Variants in CLCN4 observed in about 807,000 individuals in gnomAD.
CLCN4 encodes the protein Cl-/H+ antiporter 4.
CLCN4 carries 1 observed loss-of-function variant against 41.7 expected under a neutral mutation model. The ratio of observed to expected loss-of-function variants is 0.02; its 90% CI spans 0.01 to 0.11. The LOEUF is 0.11. CLCN4 is among the 10% of genes least tolerant of loss of function. CLCN4 has a pLI of 1.00. For missense variants in CLCN4, 287 were observed against 661.0 expected (o/e 0.43, Z 6.20); for synonymous variants, 277 against 285.8 (o/e 0.97, Z 0.31).
chrX:10,178,952 C>A (rs954243041), intron 2 of CLCN4, among the ~76,000 whole-genome samples: 1 of 112,366 alleles, frequency 8.9e-6, no homozygotes, highest in Non-Finnish European at 1.9e-5. Flanking sequence ...TTCTTGGTCC[C>A]CACTTCTAGA....
intron 11 of CLCN4, among the ~76,000 whole-genome samples, chrX:10,216,918 T>TATATATATATATATATATAC (rs773265490): frequency 3.1e-4 from 12 of 38,927 alleles, no homozygotes; most frequent in African/African-American, 7.8e-4. Context: ...TATATATATA[T>TATATATATATATATATATAC]ACACACACAC....
At chrX:10,190,251 TG>T (rs778286524) in intron 4 of CLCN4, among the ~76,000 whole-genome samples, 5 of 111,637 alleles carry the variant, frequency 4.5e-5, no homozygotes, top group African/African-American at 1.3e-4. Flanking sequence ...AAAAATAAAC[TG>T]GGGAGGTGAT....
intron 10 of CLCN4, among the ~76,000 whole-genome samples, chrX:10,213,468 C>G (rs1452763352): frequency 8.9e-6 from 1 of 111,949 alleles, no homozygotes; most frequent in Non-Finnish European, 1.9e-5. Flanking sequence ...AGCAGAGGCC[C>G]CAGTGAGATG....
At chrX:10,207,702 A>G (rs5978385) in intron 8 of CLCN4, among the ~76,000 whole-genome samples, 7,341 of 112,067 alleles carry the variant, frequency 0.066, 547 homozygotes, top group African/African-American at 0.21. Context: ...CTTGCAGCCC[A>G]GAGTTTTCCA....
At chrX:10,229,427 G>A (rs1925068894) in intron 12 of CLCN4, among the ~76,000 whole-genome samples, 1 of 108,054 alleles carries the variant, frequency 9.3e-6, no homozygotes, top group African/African-American at 3.4e-5. Context: ...TAAGTTCTAG[G>A]GTACATGTGC....
chrX:10,224,083 G>A (rs749806682), intron 12 of CLCN4, among the ~76,000 whole-genome samples: 19 of 111,104 alleles, frequency 1.7e-4, no homozygotes, highest in African/African-American at 6.2e-4. Flanking sequence ...AATTACCATC[G>A]CGGGCCAGGG....
rs182188658 is a variant in CLCN4, at chrX:10,168,265, C to G, written c.-12+9714C>G. Among the ~76,000 whole-genome samples the G allele has an allele frequency of 1.3e-3, 145 of 111,921 alleles. 1 individual carries two copies. The highest frequency in any genetic ancestry group is 4.2e-3 in the African/African-American group (129 of 30,781). On this transcript the variant is annotated intron_variant, in intron 2 of 12. Coordinates refer to ENST00000380833, the MANE Select transcript of CLCN4 (RefSeq NM_001830.4). ...CTGTCTGGGCGTTACTTTGGGCATTCGGCCTTTGCAGATGCGGGATGTCAT... is the reference window on the plus strand; with the variant it reads ...CTGTCTGGGCGTTACTTTGGGCATTGGGCCTTTGCAGATGCGGGATGTCAT...
At chrX:10,164,366 G>T (rs1923190471) in intron 2 of CLCN4, among the ~76,000 whole-genome samples, 1 of 111,788 alleles carries the variant, frequency 8.9e-6, no homozygotes, top group Non-Finnish European at 1.9e-5. Context: ...GCTCAGAGGG[G>T]CGCAGGGGGC....
intron 5 of CLCN4, 49 bp from the exon 6 acceptor site, chrX:10,197,890 G>T (rs5933821): frequency 8.3e-7 from 1 of 1,202,463 alleles, no homozygotes; most frequent in Non-Finnish European, 1.1e-6. Flanking sequence ...CTGTTGCTCA[G>T]GTCAGCTGTG....
At chrX:10,229,966 G>A (rs768811603) in intron 12 of CLCN4, among the ~76,000 whole-genome samples, 52 of 112,169 alleles carry the variant, frequency 4.6e-4, no homozygotes, top group Non-Finnish European at 8.8e-4. Flanking sequence ...TAGAGAATGG[G>A]GCATCCACCC....
chrX:10,215,504 A>C (rs1176793961), intron 11 of CLCN4, among the ~76,000 whole-genome samples: 1 of 111,841 alleles, frequency 8.9e-6, no homozygotes, highest in African/African-American at 3.3e-5. Context: ...ACGGGTAGGT[A>C]GGTGCCTTTG....
At chrX:10,230,005 A>C (rs774439255) in intron 12 of CLCN4, among the ~76,000 whole-genome samples, 1 of 112,549 alleles carries the variant, frequency 8.9e-6, no homozygotes, top group East Asian at 2.8e-4. Flanking sequence ...TGTGTTACAA[A>C]CTATCCAGCT....
Position 10,187,511 on chromosome X carries a change from C to T in CLCN4, c.145-4C>T, listed in dbSNP as rs202245864. 1 of 1,194,635 alleles carries T rather than the reference C, an allele frequency of 8.4e-7. No individual in the cohort carries two copies. Among genetic ancestry groups the T allele is most frequent in the Non-Finnish European group, 1.1e-6 (1 of 881,380 alleles). ...GATCAGTTGCTGTATCTGCTTTGTT[C>T]TAGATCACCAGCAAGAGCAAGGAGT... On this transcript the variant is annotated splice_region_variant and splice_polypyrimidine_tract_variant and intron_variant, in intron 3 of 12. Transcript: ENST00000380833.
chrX:10,172,745 A>G (rs1193321251), intron 2 of CLCN4, among the ~76,000 whole-genome samples: 1 of 110,949 alleles, frequency 9.0e-6, no homozygotes, highest in Admixed American at 9.7e-5. Context: ...GCTGTATTTT[A>G]AACTTCCACT....
chrX:10,181,050 G>A (rs1024334602), intron 2 of CLCN4, among the ~76,000 whole-genome samples: 1 of 110,408 alleles, frequency 9.1e-6, no homozygotes, highest in African/African-American at 3.3e-5. Context: ...TGAGACCCCA[G>A]TACCAGGATA....
chrX:10,165,739 T>C (rs930713462), intron 2 of CLCN4, among the ~76,000 whole-genome samples: 1 of 112,392 alleles, frequency 8.9e-6, no homozygotes, highest in Non-Finnish European at 1.9e-5. Context: ...CTGGAGGTGC[T>C]GGTTGGGTGA....
intron 2 of CLCN4, among the ~76,000 whole-genome samples, chrX:10,177,363 AAG>A (rs1175879501): frequency 1.8e-5 from 2 of 112,334 alleles, no homozygotes; most frequent in African/African-American, 3.2e-5. Flanking sequence ...TTACAGTGCA[AAG>A]AGAATGAACA....
chrX:10,159,047 C>A (rs943479064), intron 2 of CLCN4, among the ~76,000 whole-genome samples: 2 of 112,530 alleles, frequency 1.8e-5, no homozygotes, highest in Non-Finnish European at 3.8e-5. Flanking sequence ...TCTTGGTTAG[C>A]AATTTAAGAG....
chrX:10,192,244 T>TACACACACACACACACAC (rs56033729), intron 4 of CLCN4, among the ~76,000 whole-genome samples: 1 of 100,510 alleles, frequency 9.9e-6, no homozygotes, highest in South Asian at 4.5e-4. Flanking sequence ...CTAGTGGAAG[T>TACACACACACACACACAC]ACACACACAC....
Sources: gnomAD v4.1 joint callset for allele counts (sites outside exome capture counted in the v4.1 genomes callset) on GRCh38, gnomAD v4.1.1 for gene constraint, MANE v1.5 for transcripts, NCBI Gene and HGNC (gene_info 2026-07-23, HGNC 2026-07-21) for gene names.